DOCK4: variants seen among roughly 807,000 people sequenced by gnomAD.
The protein encoded by DOCK4 is dedicator of cytokinesis 4.
In DOCK4, 97 loss-of-function variants were observed where a neutral mutation model predicts 268.1. The observed-to-expected ratio is 0.36, with a 90% confidence interval of 0.31 to 0.43. The LOEUF (loss-of-function observed/expected upper bound fraction) is 0.43. DOCK4 is among the 20% of genes least tolerant of loss of function. The pLI is 1.00. For synonymous variants in DOCK4, 954 were observed against 887.2 expected (o/e 1.08, Z -1.34); for missense variants, 2,145 against 2,455.7 (o/e 0.87, Z 2.67).
chr7:112,102,810 A>C (rs1233936241), intron 1 of DOCK4, among the ~76,000 whole-genome samples: 3 of 152,230 alleles, frequency 2.0e-5, no homozygotes, highest in Admixed American at 6.5e-5. Flanking sequence ...GCAGGTACCT[A>C]CTTTACTGAG....
chr7:112,103,719 T>C (rs1434989371), intron 1 of DOCK4, among the ~76,000 whole-genome samples: 1 of 152,034 alleles, frequency 6.6e-6, no homozygotes, highest in African/African-American at 2.4e-5. Flanking sequence ...CCGTCTTTAC[T>C]AAAAATACAA....
intron 51 of DOCK4, among the ~76,000 whole-genome samples, chr7:111,734,618 A>G (rs1795338378): frequency 6.6e-6 from 1 of 152,210 alleles, no homozygotes; most frequent in South Asian, 2.1e-4. Context: ...TGACTCTGAT[A>G]AGCTTATGGA....
chr7:112,188,608 T>A (rs1431723866), intron 1 of DOCK4, among the ~76,000 whole-genome samples: 1 of 152,208 alleles, frequency 6.6e-6, no homozygotes, highest in East Asian at 1.9e-4. Context: ...AATAATTCCA[T>A]GACAATTCAT....
chr7:111,833,211 C>T (rs1460005559), intron 26 of DOCK4, among the ~76,000 whole-genome samples: 1 of 151,998 alleles, frequency 6.6e-6, no homozygotes, highest in East Asian at 1.9e-4. Context: ...GTGGGTAAGT[C>T]CTAAGGCCTT....
chr7:111,862,690 C>A (rs1805652643), intron 23 of DOCK4, among the ~76,000 whole-genome samples: 1 of 151,816 alleles, frequency 6.6e-6, no homozygotes, highest in Non-Finnish European at 1.5e-5. Flanking sequence ...TGGGGTTTCA[C>A]CATGTTGGCC....
chr7:112,130,838 A>C (rs1586886280), intron 1 of DOCK4, among the ~76,000 whole-genome samples: 2 of 152,354 alleles, frequency 1.3e-5, no homozygotes, highest in East Asian at 3.9e-4. Context: ...GTGGCAGTAA[A>C]ATATTAATGG....
At chr7:112,066,670 CATATACATATATACATATACAT>C (rs1289083050) in intron 1 of DOCK4, among the ~76,000 whole-genome samples, 1,989 of 51,526 alleles carry the variant, frequency 0.039, 181 homozygotes, top group African/African-American at 0.12. Flanking sequence ...TATACATATA[CATATACATATATACATATACAT>C]ATATATATAT....
chr7:111,921,077 A>G (rs908748879), intron 12 of DOCK4, among the ~76,000 whole-genome samples: 1 of 152,182 alleles, frequency 6.6e-6, no homozygotes, highest in African/African-American at 2.4e-5. Context: ...CTTTTCTTAG[A>G]CCTTAATATA....
chr7:112,069,502 G>A lies in DOCK4; in HGVS notation c.38-65371C>T, dbSNP rs569632740. 3.2e-4 allele frequency among the ~76,000 whole-genome samples: 49 copies of A among 152,208 alleles called. No homozygotes were observed. The South Asian group carries it at 3.9e-3, about 12-fold the overall frequency. On this transcript the variant is annotated intron_variant, in intron 1 of 52. Transcript: ENST00000428084. ...TTAGAGAAAACTGGCTAAAACTGTC[G>A]TTCTCAGTTTCCTTACCTCTAAGAC... is the stretch of plus-strand genomic sequence containing the variant.
intron 43 of DOCK4, among the ~76,000 whole-genome samples, chr7:111,747,039 A>AACAC (rs138249278): frequency 7.3e-5 from 11 of 151,638 alleles, no homozygotes; most frequent in South Asian, 2.1e-4. Context: ...TGCAAGAATG[A>AACAC]ACACACACAC....
At chr7:111,794,048 T>G (rs1799727289) in intron 30 of DOCK4, among the ~76,000 whole-genome samples, 1 of 152,050 alleles carries the variant, frequency 6.6e-6, no homozygotes, top group South Asian at 2.1e-4. Flanking sequence ...TAAAAATAAC[T>G]GGGAGAGTGT....
rs760904918 is a variant in DOCK4 at position 111,758,615 on chromosome 7, G to T, written c.4329+9C>A. On this transcript the variant is annotated intron_variant, in intron 41 of 52. Coordinates refer to ENST00000428084, the MANE Select transcript of DOCK4 (RefSeq NM_001363540.2). ...GAGGAGTTAGCATGTAATAAGAATT[G>T]CATGGTACCTTGAATTCATTCTCTT... 6 of 1,613,332 alleles carry T rather than the reference G, an allele frequency of 3.7e-6. No individual in the cohort carries two copies. The highest frequency in any genetic ancestry group is 5.1e-6 in the Non-Finnish European group (6 of 1,179,624).
intron 39 of DOCK4, among the ~76,000 whole-genome samples, chr7:111,761,981 C>A (rs1465906979): frequency 6.6e-6 from 1 of 152,068 alleles, no homozygotes; most frequent in African/African-American, 2.4e-5. Context: ...CAGGAGCCCC[C>A]AAATAAATAT....
chr7:112,192,020 A>T (rs943718898), intron 1 of DOCK4, among the ~76,000 whole-genome samples: 7 of 148,328 alleles, frequency 4.7e-5, no homozygotes, highest in African/African-American at 1.7e-4. Context: ...ATATAACTTA[A>T]ACATAGTATA....
intron 42 of DOCK4, among the ~76,000 whole-genome samples, chr7:111,752,085 A>G (rs1796696784): frequency 6.6e-6 from 1 of 152,346 alleles, no homozygotes; most frequent in Admixed American, 6.5e-5. Flanking sequence ...GGTTTTTAAA[A>G]ATAAATATGA....
chr7:111,998,405 C>T (rs1369484704), intron 4 of DOCK4, 43 bp downstream of exon 4: 3 of 1,442,240 alleles, frequency 2.1e-6, no homozygotes, highest in Admixed American at 4.5e-5. Context: ...GAAGCAAAGG[C>T]TCTGTGAAAA....
At chr7:112,075,101 A>C (rs1807942116) in intron 1 of DOCK4, among the ~76,000 whole-genome samples, 1 of 152,166 alleles carries the variant, frequency 6.6e-6, no homozygotes, top group Non-Finnish European at 1.5e-5. Context: ...CTGATACACT[A>C]TCTGTACTAT....
At chr7:112,129,168 G>A (rs1201981243) in intron 1 of DOCK4, among the ~76,000 whole-genome samples, 1 of 152,168 alleles carries the variant, frequency 6.6e-6, no homozygotes, top group African/African-American at 2.4e-5. Context: ...TTCAATGGGT[G>A]AATGGTTAAA....
intron 1 of DOCK4, among the ~76,000 whole-genome samples, chr7:112,041,730 T>C (rs1186901070): frequency 1.3e-5 from 2 of 152,232 alleles, no homozygotes. Flanking sequence ...TTCCCACTTA[T>C]GAGTTTCCTT....
Sources: allele counts gnomAD v4.1 joint callset (sites outside exome capture counted in the v4.1 genomes callset), GRCh38; gene constraint gnomAD v4.1.1; transcripts MANE v1.5; gene names NCBI Gene and HGNC (gene_info 2026-07-23, HGNC 2026-07-21).